The following FAT3 variants were observed in gnomAD, a reference collection of about 807,000 sequenced individuals.
The protein encoded by FAT3 is FAT atypical cadherin 3.
In FAT3, 95 loss-of-function variants were observed where a neutral mutation model predicts 310.2. The ratio of observed to expected loss-of-function variants is 0.31; its 90% CI spans 0.26 to 0.36. The LOEUF (loss-of-function observed/expected upper bound fraction) is 0.36. FAT3 is among the 10% of genes least tolerant of loss of function. The pLI, the probability that FAT3 is intolerant of heterozygous loss-of-function variation, is 1.00. For synonymous variants in FAT3, 2,314 were observed against 2,192.9 expected (o/e 1.06, Z -1.54); for missense variants, 5,408 against 5,715.6 (o/e 0.95, Z 1.74).
chr11:92,393,715 C>T (rs1055084823), intron 2 of FAT3, among the ~76,000 whole-genome samples: 7 of 152,120 alleles, frequency 4.6e-5, no homozygotes, highest in African/African-American at 1.4e-4. Context: ...ATTACGAGTG[C>T]AGTATTTTTC....
intron 2 of FAT3, among the ~76,000 whole-genome samples, chr11:92,504,900 G>A (rs1241550413): frequency 6.6e-6 from 1 of 152,110 alleles, no homozygotes; most frequent in African/African-American, 2.4e-5. Context: ...TAGGTTATAA[G>A]TATGGTGGTG....
At chr11:92,367,324 G>A (rs1055617169) in intron 2 of FAT3, 19 of 198,224 alleles carry the variant, frequency 9.6e-5, no homozygotes, top group South Asian at 4.1e-4. Flanking sequence ...GGCTGGGCAT[G>A]GTGGTGCACA....
intron 2 of FAT3, among the ~76,000 whole-genome samples, chr11:92,382,928 T>C (rs528504957): frequency 6.6e-6 from 1 of 152,298 alleles, no homozygotes; most frequent in East Asian, 1.9e-4. Context: ...GCACAGATCA[T>C]TCCATGACCT....
At chr11:92,782,595 G>C (rs937242515) in intron 7 of FAT3, among the ~76,000 whole-genome samples, 1 of 151,964 alleles carries the variant, frequency 6.6e-6, no homozygotes, top group Non-Finnish European at 1.5e-5. Flanking sequence ...TTAAAAGATA[G>C]GAAAATCAGC....
intron 19 of FAT3, among the ~76,000 whole-genome samples, chr11:92,851,229 G>T (rs1011271453): frequency 6.6e-6 from 1 of 152,162 alleles, no homozygotes; most frequent in African/African-American, 2.4e-5. Context: ...GACAACAAGG[G>T]AAAAGTTACA....
intron 13 of FAT3, among the ~76,000 whole-genome samples, chr11:92,811,486 G>T (rs1947671312): frequency 1.3e-5 from 2 of 152,152 alleles, no homozygotes; most frequent in Non-Finnish European, 2.9e-5. Flanking sequence ...AGGGGGTGGA[G>T]TGGGGTGTTA....
chr11:92,293,002 C>G (rs778150373), intron 1 of FAT3, among the ~76,000 whole-genome samples: 1 of 136,968 alleles, frequency 7.3e-6, no homozygotes, highest in Non-Finnish European at 1.5e-5. Context: ...GACAACATGG[C>G]GAGACTCTGC....
intron 1 of FAT3, among the ~76,000 whole-genome samples, chr11:92,305,541 G>A (rs1947096408): frequency 6.6e-6 from 1 of 152,036 alleles, no homozygotes; most frequent in Non-Finnish European, 1.5e-5. Flanking sequence ...GTGGTTTTAA[G>A]GTGGAAAACC....
At chr11:92,739,521 T>G (rs537391545) in intron 4 of FAT3, among the ~76,000 whole-genome samples, 1 of 152,238 alleles carries the variant, frequency 6.6e-6, no homozygotes, top group Non-Finnish European at 1.5e-5. Context: ...TTCCTCTTAC[T>G]GTTATATGAC....
chr11:92,716,456 G>GA lies in FAT3; in HGVS notation c.3669+19021dup, dbSNP rs111932722. ...ACTTGTGCTTTGAGTTTCCAGTGCA[G>GA]AAAAAAAAAAGGCTTCCATAAGAGT... On this transcript the variant is annotated intron_variant, in intron 4 of 27. Coordinates refer to ENST00000525166, the MANE Select transcript of FAT3 (RefSeq NM_001367949.2). 5.6e-4 allele frequency among the ~76,000 whole-genome samples: 80 copies of GA among 141,720 alleles called. 1 individual carries two copies. Among genetic ancestry groups the GA allele is most frequent in the Middle Eastern group, 3.6e-3 (1 of 280 alleles). 93.0% of individuals were successfully genotyped at this position (141,720 alleles called of 152,430 possible).
chr11:92,273,184 AC>A, intron 1 of FAT3, among the ~76,000 whole-genome samples: 2 of 151,888 alleles, frequency 1.3e-5, no homozygotes, highest in African/African-American at 4.8e-5. Flanking sequence ...CAAATTTTAC[AC>A]CCCCTGCCAT....
chr11:92,519,334 C>T (rs1384797674), intron 2 of FAT3, among the ~76,000 whole-genome samples: 1 of 151,922 alleles, frequency 6.6e-6, no homozygotes, highest in Non-Finnish European at 1.5e-5. Flanking sequence ...CAATGAACAT[C>T]TACATACAAA....
intron 2 of FAT3, among the ~76,000 whole-genome samples, chr11:92,366,018 G>A (rs1238669397): frequency 2.6e-5 from 4 of 152,192 alleles, no homozygotes; most frequent in Admixed American, 6.5e-5. Flanking sequence ...GAGGGAGGAA[G>A]GAGTTGTTTG....
At chr11:92,603,889 T>C (rs1940151905) in intron 3 of FAT3, among the ~76,000 whole-genome samples, 2 of 152,214 alleles carry the variant, frequency 1.3e-5, no homozygotes, top group Admixed American at 6.5e-5. Flanking sequence ...TGGAGTCTTA[T>C]GTTCTGGATC....
Position 92,859,256 on chromosome 11 carries a change from T to C in FAT3, c.11592T>C (p.Arg3864=). 1.9e-6 allele frequency: 3 copies of C among 1,613,766 alleles called. No homozygotes were observed. The highest frequency in any genetic ancestry group is 2.5e-6 in the Non-Finnish European group (3 of 1,179,804). The change falls in exon 21 of 28, where the codon CGT becomes CGC. Residue 3864 remains arginine, a synonymous_variant. Coordinates refer to ENST00000525166, the MANE Select transcript of FAT3 (RefSeq NM_001367949.2). Reference sequence around the variant, plus strand: ...AAGAGGATTTCAAACTAGCTCTGCGTCTTCGAACACTGCAAAGCAATGGGA... The same window carrying C: ...AAGAGGATTTCAAACTAGCTCTGCGCCTTCGAACACTGCAAAGCAATGGGA... ...SKEEDFKLAL[R]LRTLQSNGII...
intron 3 of FAT3, among the ~76,000 whole-genome samples, chr11:92,671,949 T>A (rs1013224780): frequency 6.6e-6 from 1 of 151,920 alleles, no homozygotes; most frequent in East Asian, 1.9e-4. Context: ...CTACTAAAAA[T>A]ACAAAAAATA....
At chr11:92,756,876 C>G (rs1946004666) in intron 4 of FAT3, among the ~76,000 whole-genome samples, 1 of 146,694 alleles carries the variant, frequency 6.8e-6, no homozygotes, top group Non-Finnish European at 1.5e-5. Flanking sequence ...CCTCCTGGCT[C>G]TGCCTGGCAT....
intron 4 of FAT3, among the ~76,000 whole-genome samples, chr11:92,710,787 A>G (rs1274599119): frequency 6.6e-6 from 1 of 152,208 alleles, no homozygotes; most frequent in African/African-American, 2.4e-5. Context: ...TTCCAGAAGC[A>G]ATTCATTTAA....
At chr11:92,382,328 A>G (rs1183721583) in intron 2 of FAT3, among the ~76,000 whole-genome samples, 1 of 152,130 alleles carries the variant, frequency 6.6e-6, no homozygotes, top group Non-Finnish European at 1.5e-5. Flanking sequence ...CTGGAGTGTC[A>G]TTTTCAGGAA....
Sources: allele counts gnomAD v4.1 joint callset (sites outside exome capture counted in the v4.1 genomes callset), GRCh38; gene constraint gnomAD v4.1.1; transcripts MANE v1.5; gene names NCBI Gene and HGNC (gene_info 2026-07-23, HGNC 2026-07-21).